DLC1: variants seen among roughly 807,000 people sequenced by gnomAD.
The protein encoded by DLC1 is DLC1 Rho GTPase activating protein.
Under a neutral mutation model 140.3 loss-of-function variants are expected in DLC1, and 54 were observed. The ratio of observed to expected loss-of-function variants is 0.38; its 90% CI spans 0.31 to 0.48. The LOEUF is 0.48. Ranked by LOEUF, DLC1 falls within the 20% of genes least tolerant of loss-of-function variation. The probability of loss-of-function intolerance (pLI) is 0.96; values close to 1 mark genes in which losing one functional copy is unlikely to be tolerated. For missense variants in DLC1, 2,536 were observed against 1,907.0 expected (o/e 1.33, Z -6.14); for synonymous variants, 986 against 728.1 (o/e 1.35, Z -5.70).
At chr8:13,522,407 C>A (rs1341698058) in intron 1 of DLC1, among the ~76,000 whole-genome samples, 3 of 151,926 alleles carry the variant, frequency 2.0e-5, no homozygotes, top group Non-Finnish European at 2.9e-5. Flanking sequence ...GGAAGTTCAC[C>A]TGAGGTCAGG....
chr8:13,415,463 G>A (rs1046277525), intron 2 of DLC1, among the ~76,000 whole-genome samples: 9 of 150,064 alleles, frequency 6.0e-5, no homozygotes, highest in East Asian at 2.0e-4. Flanking sequence ...GTAGTAGCGC[G>A]ACCATGGCTC....
chr8:13,124,576 G>A (rs535106811), intron 5 of DLC1, among the ~76,000 whole-genome samples: 1 of 152,312 alleles, frequency 6.6e-6, no homozygotes, highest in African/African-American at 2.4e-5. Flanking sequence ...GAGTCCTTCT[G>A]ATACTCTATC....
chr8:13,194,828 A>G (rs1360522017), intron 5 of DLC1, among the ~76,000 whole-genome samples: 2 of 152,070 alleles, frequency 1.3e-5, no homozygotes, highest in Non-Finnish European at 2.9e-5. Flanking sequence ...GGCAACATAG[A>G]GAGACCCCCA....
chr8:13,278,101 C>T (rs1831239345), intron 5 of DLC1, among the ~76,000 whole-genome samples: 1 of 152,188 alleles, frequency 6.6e-6, no homozygotes, highest in Admixed American at 6.5e-5. Context: ...GAATGTCCCC[C>T]ATTGAGCATG....
At chr8:13,316,271 T>C (rs1832856638) in intron 4 of DLC1, among the ~76,000 whole-genome samples, 2 of 152,084 alleles carry the variant, frequency 1.3e-5, no homozygotes. Context: ...GGAAGGGCAA[T>C]GTGGGTTAGG....
intron 2 of DLC1, among the ~76,000 whole-genome samples, chr8:13,446,345 C>G (rs1490317490): frequency 3.9e-5 from 6 of 152,176 alleles, no homozygotes; most frequent in Non-Finnish European, 7.4e-5. Flanking sequence ...CTTGTTCTTT[C>G]TCTGCCATTT....
At chr8:13,316,700 G>C (rs929979212) in intron 4 of DLC1, among the ~76,000 whole-genome samples, 57 of 152,034 alleles carry the variant, frequency 3.7e-4, no homozygotes, top group African/African-American at 1.3e-3. Flanking sequence ...GGTTTTCTTA[G>C]GGCAGCTGAG....
chr8:13,260,700 A>G (rs2117328924), intron 5 of DLC1, among the ~76,000 whole-genome samples: 1 of 152,322 alleles, frequency 6.6e-6, no homozygotes, highest in Non-Finnish European at 1.5e-5. Flanking sequence ...TATCATTTAT[A>G]TATATGGTAC....
chr8:13,300,732 A>G (rs1238050288), intron 5 of DLC1, among the ~76,000 whole-genome samples: 1 of 152,198 alleles, frequency 6.6e-6, no homozygotes, highest in Non-Finnish European at 1.5e-5. Flanking sequence ...TCACTCCTGA[A>G]TGGACAAATG....
At chr8:13,384,703 A>G (rs1377767846) in intron 4 of DLC1, among the ~76,000 whole-genome samples, 2 of 152,140 alleles carry the variant, frequency 1.3e-5, no homozygotes, top group East Asian at 3.9e-4. Context: ...GGCCAGCAGA[A>G]CCATAGACCC....
chr8:13,457,826 G>A (rs1035868776), intron 2 of DLC1, among the ~76,000 whole-genome samples: 18 of 152,082 alleles, frequency 1.2e-4, no homozygotes, highest in Middle Eastern at 3.4e-3. Context: ...TTTTGCTTGC[G>A]TAGAAGGAAG....
At chr8:13,351,179 T>C (rs1834644688) in intron 4 of DLC1, among the ~76,000 whole-genome samples, 1 of 152,234 alleles carries the variant, frequency 6.6e-6, no homozygotes, top group Admixed American at 6.5e-5. Flanking sequence ...ATGTGTATAG[T>C]ATCTGTTCTA....
chr8:13,143,072 GGA>G (rs1823131438), intron 5 of DLC1, among the ~76,000 whole-genome samples: 1 of 149,828 alleles, frequency 6.7e-6, no homozygotes, highest in Non-Finnish European at 1.5e-5. Flanking sequence ...AGAATTAGAG[GGA>G]GAAACTAACC....
intron 5 of DLC1, among the ~76,000 whole-genome samples, chr8:13,119,437 C>T (rs1013012585): frequency 1.3e-5 from 2 of 152,126 alleles, no homozygotes; most frequent in Admixed American, 6.6e-5. Context: ...AAGATCCCAA[C>T]TAAATGCCAC....
chr8:13,301,905 C>G (rs1832210440), intron 5 of DLC1, among the ~76,000 whole-genome samples: 1 of 152,098 alleles, frequency 6.6e-6, no homozygotes, highest in Non-Finnish European at 1.5e-5. Context: ...ATCCTGAAAC[C>G]CTCCCCTACC....
At chr8:13,600,011 G>C (rs964156302) in intron 1 of DLC1, among the ~76,000 whole-genome samples, 2 of 151,856 alleles carry the variant, frequency 1.3e-5, no homozygotes, top group African/African-American at 2.4e-5. Flanking sequence ...GAAATCAGAA[G>C]CACTACTTTC....
chr8:13,342,134 G>A (rs1834088996), intron 4 of DLC1: 1 of 152,112 alleles, frequency 6.6e-6, no homozygotes, highest in Admixed American at 6.5e-5. Context: ...GACCAATGAG[G>A]TATCATGAAA....
At chr8:13,592,668 A>G (rs1805555922) in intron 1 of DLC1, among the ~76,000 whole-genome samples, 1 of 152,084 alleles carries the variant, frequency 6.6e-6, no homozygotes, top group Admixed American at 6.6e-5. Context: ...CCCCAGTAAG[A>G]GGATTTCCAG....
intron 7 of DLC1, among the ~76,000 whole-genome samples, chr8:13,108,393 A>C (rs193064292): frequency 6.6e-6 from 1 of 152,228 alleles, no homozygotes; most frequent in African/African-American, 2.4e-5. Flanking sequence ...CTGAAGCCCA[A>C]CTAGCATATG....
Sources: gnomAD v4.1 joint callset for allele counts (sites outside exome capture counted in the v4.1 genomes callset) on GRCh38, gnomAD v4.1.1 for gene constraint, MANE v1.5 for transcripts, NCBI Gene and HGNC (gene_info 2026-07-23, HGNC 2026-07-21) for gene names.